MEGF8: variants seen among roughly 807,000 people sequenced by gnomAD.
MEGF8 encodes the protein multiple epidermal growth factor-like domains protein 8.
In MEGF8, 156 loss-of-function variants were observed where a neutral mutation model predicts 302.9. The ratio of observed to expected loss-of-function variants is 0.52; its 90% confidence interval spans 0.45 to 0.59. MEGF8 has a LOEUF of 0.59. Among genes scored for constraint, MEGF8 ranks in the 20% least tolerant of loss-of-function variants. The pLI is 0.00. For missense variants in MEGF8, 3,345 were observed against 3,964.5 expected (o/e 0.84, Z 4.20); for synonymous variants, 1,621 against 1,660.5 (o/e 0.98, Z 0.58).
At chr19:42,348,606 T>G (rs138075848) in intron 13 of MEGF8, 134 bp downstream of exon 13, 303 of 883,110 alleles carry the variant, frequency 3.4e-4, no homozygotes, top group Non-Finnish European at 4.6e-4. Context: ...GATGGATTTT[T>G]TGTGTGTGTG....
rs1169561434 is a variant in MEGF8, at chr19:42,375,107, T to A, written c.7270-400T>A. ...CAGTGGTCCTGTGAGCGAGCCGTGGTTACTCCCTGTGTGCAGAGCTCATGG... is the reference window on the plus strand; with the variant it reads ...CAGTGGTCCTGTGAGCGAGCCGTGGATACTCCCTGTGTGCAGAGCTCATGG... On this transcript the variant is annotated intron_variant, in intron 41 of 41. Coordinates refer to ENST00000251268, the MANE Select transcript of MEGF8 (RefSeq NM_001271938.2). The surrounding 1 kb of genome is among the most constrained non-coding windows in gnomAD (Gnocchi z 7.1). Among the ~76,000 whole-genome samples, 1 of 152,178 alleles carries A rather than the reference T, an allele frequency of 6.6e-6. No homozygotes were observed. The highest frequency in any genetic ancestry group is 2.4e-5 in the African/African-American group (1 of 41,442).
intron 1 of MEGF8, among the ~76,000 whole-genome samples, chr19:42,327,431 C>T (rs986512447): frequency 2.0e-5 from 3 of 152,096 alleles, no homozygotes; most frequent in African/African-American, 2.4e-5. Flanking sequence ...GATCTGGGGC[C>T]GGGGAGAACA....
chr19:42,346,984 CAAAAAAA>C lies in MEGF8; in HGVS notation c.2098-1273_2098-1267del, dbSNP rs767117534. 4.9e-3 allele frequency among the ~76,000 whole-genome samples: 246 copies of C among 49,818 alleles called. 2 individuals are homozygous for C. Among genetic ancestry groups the C allele is most frequent in the African/African-American group, 6.1e-3 (83 of 13,544 alleles). The allele number at this position is 49,818 out of a possible 152,430, so 32.7% of individuals were successfully genotyped here. A position where few individuals can be genotyped will look rare whatever the true frequency, so the allele number is the denominator to read the frequency against. On this transcript the variant is annotated intron_variant, in intron 12 of 41. Coordinates refer to ENST00000251268, the MANE Select transcript of MEGF8 (RefSeq NM_001271938.2). ...TGGGTGACAGAGAGAGACTCTGTCT[CAAAAAAA>C]AAAAAAAAAAAAAAGAAAAAGAAAA... is the stretch of plus-strand genomic sequence containing the variant.
intron 13 of MEGF8, 128 bp from the exon 14 acceptor site, chr19:42,349,371 T>C: frequency 1.4e-6 from 1 of 734,460 alleles, no homozygotes; most frequent in Non-Finnish European, 2.2e-6. Context: ...GTTCTCAGGA[T>C]CTAAGGAGCT....
Position 42,377,883 on chromosome 19 carries a change from G to A in MEGF8, c.*1108G>A, listed in dbSNP as rs1227845826. Reference sequence around the variant, plus strand: ...AGCAGGGATGGTGGGCTGGAGTAGGGTGCTGGCAATGAGGGAGTCTGGCTC... The same window carrying A: ...AGCAGGGATGGTGGGCTGGAGTAGGATGCTGGCAATGAGGGAGTCTGGCTC... On this transcript the variant is annotated 3_prime_UTR_variant, in exon 42 of 42. Coordinates refer to ENST00000251268, the MANE Select transcript of MEGF8 (RefSeq NM_001271938.2). 6.6e-6 allele frequency: 1 copy of A among 152,422 alleles called. No homozygotes were observed. Among genetic ancestry groups the A allele is most frequent in the Admixed American group, 6.6e-5 (1 of 15,244 alleles). 9.4% of individuals were successfully genotyped at this position (152,422 alleles called of 1,614,324 possible). A position where few individuals can be genotyped will look rare whatever the true frequency, so the allele number is the denominator to read the frequency against.
At chr19:42,374,004 C>A (rs867617476) in intron 41 of MEGF8, among the ~76,000 whole-genome samples, 8 of 152,132 alleles carry the variant, frequency 5.3e-5, no homozygotes, top group Admixed American at 1.3e-4. Context: ...TGAGTCACTG[C>A]GTCTGTTTTC....
chr19:42,335,358 G>T lies in MEGF8; in HGVS notation c.801G>T (p.Trp267Cys). The T allele has an allele frequency of 6.2e-7, 1 of 1,613,962 alleles. No individual in the cohort carries two copies. The highest frequency in any genetic ancestry group is 8.5e-7 in the Non-Finnish European group (1 of 1,179,880). ...LVLYNFSANT[W>C]ESWDLSPAPA... ...TATACAACTTCTCCGCCAACACCTG[G>T]GAGTCTTGGGACCTGAGTCCTGCCC... Residue 267 changes from tryptophan (W) to cysteine (C), a missense_variant, in exon 5 of 42, where the codon TGG (tryptophan) becomes TGT (cysteine). Coordinates refer to ENST00000251268, the MANE Select transcript of MEGF8 (RefSeq NM_001271938.2).
intron 41 of MEGF8, 56 bp downstream of exon 41, chr19:42,371,538 G>T (rs1198756152): frequency 6.2e-7 from 1 of 1,606,232 alleles, no homozygotes; most frequent in African/African-American, 1.3e-5. Flanking sequence ...TGGAGGTCAG[G>T]GCTGGGATGA....
In MEGF8 at chr19:42,361,152, G is replaced by A. The variant is rs150326585; in HGVS notation, c.5720+146G>A. 263 of 827,462 alleles carry A rather than the reference G, an allele frequency of 3.2e-4. 1 individual carries two copies. The African/African-American group carries it at 4.1e-3, about 13-fold the overall frequency. 51.3% of individuals were successfully genotyped at this position (827,462 alleles called of 1,614,324 possible). A position where few individuals can be genotyped will look rare whatever the true frequency, so the allele number is the denominator to read the frequency against. On this transcript the variant is annotated intron_variant, in intron 32 of 41. Transcript: ENST00000251268. ...CACCGCAGGCAGGGTGGCCGGGGGA[G>A]CTCTGAGTGGGGATCCCTGCCTGGG...
At position 42,334,068 on chromosome 19, in the gene MEGF8, G is replaced by A. The variant is rs551896120; in HGVS notation, c.413G>A (p.Arg138His). The part of the protein sequence containing the change: ...YNLLGFNASF[R>H]FSLCPGGCQS... The stretch of plus-strand genomic sequence containing the variant: ...CTGCTGGGCTTTAACGCCTCATTCC[G>A]CTTCTCCCTGTGCCCGGGTGGCTGC... The change falls in exon 3 of 42, where the codon CGC (arginine) becomes CAC (histidine). Residue 138 changes from arginine to histidine, a missense_variant. Coordinates refer to ENST00000251268, the MANE Select transcript of MEGF8 (RefSeq NM_001271938.2). The A allele has an allele frequency of 2.1e-5, 34 of 1,613,750 alleles. No individual in the cohort carries two copies. The highest frequency in any genetic ancestry group is 3.3e-4 in the Middle Eastern group (2 of 6,062).
intron 8 of MEGF8, 107 bp from the exon 9 acceptor site, chr19:42,343,370 A>T: frequency 7.7e-7 from 1 of 1,305,450 alleles, no homozygotes; most frequent in Non-Finnish European, 1.0e-6. Flanking sequence ...AGGTTGAAGC[A>T]GCCACCGGAA....
intron 12 of MEGF8, among the ~76,000 whole-genome samples, chr19:42,346,864 A>G (rs2039296055): frequency 6.6e-6 from 1 of 151,652 alleles, no homozygotes; most frequent in African/African-American, 2.4e-5. Context: ...GAGCACCTGT[A>G]GTCCCAGCTA....
intron 1 of MEGF8, among the ~76,000 whole-genome samples, chr19:42,326,739 CTTT>C (rs34036568): frequency 1.5e-4 from 18 of 118,052 alleles, no homozygotes; most frequent in Admixed American, 1.7e-4. Flanking sequence ...ACTACTACTA[CTTT>C]TTTTTTTTTT....
chr19:42,338,577 A>G (rs1600023006), intron 8 of MEGF8, among the ~76,000 whole-genome samples: 1 of 151,126 alleles, frequency 6.6e-6, no homozygotes, highest in Middle Eastern at 3.4e-3. Flanking sequence ...CCCTCCTCCA[A>G]CCCTCAGGTA....
In MEGF8 at chr19:42,377,824, G is replaced by C. The variant is rs1600084706; in HGVS notation, c.*1049G>C. Reference sequence around the variant, plus strand: ...AAAATTTAAGAGGTCACTCAGTTGTGCTGTGGAGAATGGACCGGAGGGACA... The same window carrying C: ...AAAATTTAAGAGGTCACTCAGTTGTCCTGTGGAGAATGGACCGGAGGGACA... On this transcript the variant is annotated 3_prime_UTR_variant, in exon 42 of 42. Coordinates refer to ENST00000251268, the MANE Select transcript of MEGF8 (RefSeq NM_001271938.2). The C allele has an allele frequency of 1.3e-5, 2 of 152,328 alleles. No individual in the cohort carries two copies. Among genetic ancestry groups the C allele is most frequent in the African/African-American group, 4.8e-5 (2 of 41,534 alleles). The allele number at this position is 152,328 out of a possible 1,614,324, so 9.4% of individuals were successfully genotyped here. A position where few individuals can be genotyped will look rare whatever the true frequency, so the allele number is the denominator to read the frequency against.
Position 42,356,107 on chromosome 19 carries a change from G to A in MEGF8, c.4417G>A (p.Glu1473Lys), listed in dbSNP as rs746128972. 9.5e-6 allele frequency: 15 copies of A among 1,587,064 alleles called. No individual in the cohort carries two copies. The highest frequency in any genetic ancestry group is 1.3e-5 in the African/African-American group (1 of 74,538). The change falls in exon 25 of 42, where the codon GAG (glutamate) becomes AAG (lysine). Residue 1473 changes from glutamate (E) to lysine (K), a missense_variant. Transcript: ENST00000251268. This position sits in a 1 kb window ranked among gnomAD's most constrained non-coding sequence, Gnocchi z 5.2. ...NQSLGVCICA[E>K]GFGGPDCATK... ...GAGCCTGGGTGTGTGCATCTGTGCC[G>A]AGGGCTTCGGGGGCCCCGACTGCGC...
At position 42,356,794 on chromosome 19, in the gene MEGF8, G is replaced by A. The variant is rs375249697; in HGVS notation, c.4643G>A (p.Arg1548Gln). Reference sequence around the variant, plus strand: ...CCCAGGTACTCAGTGAGTGAGCGGCGGTGGACACAGATGCTGGCGGGAGCC... The same window carrying A: ...CCCAGGTACTCAGTGAGTGAGCGGCAGTGGACACAGATGCTGGCGGGAGCC... ...NLYRYSVSER[R>Q]WTQMLAGAED... The change falls in exon 27 of 42, where the codon CGG becomes CAG. Residue 1548 changes from arginine (R) to glutamine (Q), a missense_variant. By Grantham distance (43) the Arg-to-Gln change is conservative (BLOSUM62 1). Transcript: ENST00000251268. This position sits in a 1 kb window ranked among gnomAD's most constrained non-coding sequence, Gnocchi z 5.2. The A allele has an allele frequency of 6.4e-6, 10 of 1,553,724 alleles. 1 individual carries two copies. Among genetic ancestry groups the A allele is most frequent in the South Asian group, 3.6e-5 (3 of 84,260 alleles).
Position 42,326,299 on chromosome 19 carries a change from G to A in MEGF8, c.56G>A (p.Gly19Glu). The change falls in exon 1 of 42, where the codon GGG becomes GAG. Residue 19 changes from glycine to glutamate, a missense_variant. Gly to Glu is a moderately conservative substitution (Grantham distance 98, BLOSUM62 -2). Transcript: ENST00000251268. ...CTGGTTTTGGCCTTGGCCGTGCTGG[G>A]GTCGCTGTCCCCTGGGGCCCGGGCG... The part of the protein sequence containing the change: ...MALVLALAVL[G>E]SLSPGARAGD... 1 of 1,561,120 alleles carries A rather than the reference G, an allele frequency of 6.4e-7. No individual in the cohort carries two copies. The highest frequency in any genetic ancestry group is 8.6e-7 in the Non-Finnish European group (1 of 1,160,956).
chr19:42,354,732 A>G lies in MEGF8; in HGVS notation c.4144+12A>G, dbSNP rs1284671178. ...TCAGGCCCTGTCTGGTACGGGGGCTAGGGGAAGTGGGACCTCTTAGTCCTG... is the reference window on the plus strand; with the variant it reads ...TCAGGCCCTGTCTGGTACGGGGGCTGGGGGAAGTGGGACCTCTTAGTCCTG... On this transcript the variant is annotated intron_variant, in intron 23 of 41. Transcript: ENST00000251268. The surrounding 1 kb of genome is among the most constrained non-coding windows in gnomAD (Gnocchi z 4.3). 10 of 1,592,322 alleles carry G rather than the reference A, an allele frequency of 6.3e-6. No individual in the cohort carries two copies. The highest frequency in any genetic ancestry group is 8.5e-6 in the Non-Finnish European group (10 of 1,170,720).
Sources: allele counts gnomAD v4.1 joint callset (sites outside exome capture counted in the v4.1 genomes callset), GRCh38; gene constraint gnomAD v4.1.1; non-coding constraint Gnocchi (gnomAD v3.1); transcripts MANE v1.5; gene names NCBI Gene and HGNC (gene_info 2026-07-23, HGNC 2026-07-21).